SAMD14: variants seen among roughly 807,000 people sequenced by gnomAD.
The protein encoded by SAMD14 is sterile alpha motif domain-containing protein 14.
A neutral mutation model predicts 46.2 loss-of-function variants in SAMD14; 27 were observed. That is an observed-to-expected ratio of 0.58 (90% CI 0.43 to 0.81). SAMD14 has a LOEUF of 0.81. Ranked by LOEUF, SAMD14 falls within the 30% of genes least tolerant of loss-of-function variation. The pLI is 0.00. For synonymous variants in SAMD14, 241 were observed against 254.3 expected (o/e 0.95, Z 0.50); for missense variants, 559 against 582.2 (o/e 0.96, Z 0.41).
chr17:50,113,813 G>A, intron 9 of SAMD14, 111 bp downstream of exon 9: 1 of 1,301,518 alleles, frequency 7.7e-7, no homozygotes, highest in Non-Finnish European at 1.1e-6. Flanking sequence ...GAGTGAAAAG[G>A]TCAGCCCAGG....
intron 4 of SAMD14, among the ~76,000 whole-genome samples, chr17:50,116,970 C>T (rs773195639): frequency 5.3e-5 from 8 of 152,202 alleles, no homozygotes; most frequent in Non-Finnish European, 1.0e-4. Context: ...ATCCTCCCGC[C>T]TCAGCCTTCC....
At position 50,110,168 on chromosome 17, in the gene SAMD14, C is replaced by T. The variant is rs1910757859; in HGVS notation, c.*2725G>A. ...GGTCCCCCCACCGTGGTGCCCCTCA[C>T]CATCCTCCTGGGGGAGCAGGGGGTG... On this transcript the variant is annotated 3_prime_UTR_variant, in exon 10 of 10. Transcript: ENST00000330175. 3 of 1,467,508 alleles carry T rather than the reference C, an allele frequency of 2.0e-6. No individual in the cohort carries two copies. The highest frequency in any genetic ancestry group is 1.4e-5 in the African/African-American group (1 of 71,628). 90.9% of individuals were successfully genotyped at this position (1,467,508 alleles called of 1,614,324 possible).
At chr17:50,117,939 C>T (rs1911316771) in intron 3 of SAMD14, 1 of 650,602 alleles carries the variant, frequency 1.5e-6, no homozygotes, top group African/African-American at 1.9e-5. Flanking sequence ...CTGGACCTCT[C>T]AGGGCCTCAG....
chr17:50,118,331 C>A lies in SAMD14; in HGVS notation c.44-4G>T. The A allele has an allele frequency of 6.2e-7, 1 of 1,611,474 alleles. No homozygotes were observed. On this transcript the variant is annotated splice_region_variant and splice_polypyrimidine_tract_variant and intron_variant, in intron 2 of 9. Coordinates refer to ENST00000330175, the MANE Select transcript of SAMD14 (RefSeq NM_001257359.2). Reference sequence around the variant, plus strand: ...TCTGGCACAGCCAAGTCCAGGTCTGCGAACCGGGGGAGGGGAGCAGAGACC... The same window carrying A: ...TCTGGCACAGCCAAGTCCAGGTCTGAGAACCGGGGGAGGGGAGCAGAGACC...
rs1010389937 is a variant in SAMD14 at position 50,117,432 on chromosome 17, G to T, written c.474C>A (p.His158Gln). 2 of 1,343,940 alleles carry T rather than the reference G, an allele frequency of 1.5e-6. No homozygotes were observed. The highest frequency in any genetic ancestry group is 4.0e-5 in the Admixed American group (1 of 24,992). The allele number at this position is 1,343,940 out of a possible 1,614,324, so 83.3% of individuals were successfully genotyped here. ...SDSSPSFVRR[H>Q]PRAEPHSEDD... is the part of the protein sequence containing the mutation. ...CTTCGCTGTGCGGCTCTGCGCGCGG[G>T]TGGCGGCGCACGAAGCTGGGGGAGC... is the stretch of plus-strand genomic sequence containing the variant. The change falls in exon 4 of 10, where the codon CAC (histidine) becomes CAA (glutamine). Residue 158 changes from histidine to glutamine, a missense_variant. Physicochemically the swap from His to Gln is conservative, Grantham distance 24. Coordinates refer to ENST00000330175, the MANE Select transcript of SAMD14 (RefSeq NM_001257359.2).
chr17:50,115,535 G>T lies in SAMD14; in HGVS notation c.822+29C>A. The T allele has an allele frequency of 6.6e-7, 1 of 1,512,306 alleles. No homozygotes were observed. Among genetic ancestry groups the T allele is most frequent in the South Asian group, 1.3e-5 (1 of 74,910 alleles). The allele number at this position is 1,512,306 out of a possible 1,614,324, so 93.7% of individuals were successfully genotyped here. The stretch of plus-strand genomic sequence containing the variant: ...TCATGTCACCTGAGACTGGGGGCCA[G>T]TTTGGGGACAAGAAAGGCATGGACT... On this transcript the variant is annotated intron_variant, in intron 7 of 9. Transcript: ENST00000330175. This position sits in a 1 kb window ranked among gnomAD's most constrained non-coding sequence, Gnocchi z 5.3.
chr17:50,120,039 G>A (rs775762228), intron 2 of SAMD14, among the ~76,000 whole-genome samples: 1 of 152,126 alleles, frequency 6.6e-6, no homozygotes, highest in Non-Finnish European at 1.5e-5. Flanking sequence ...AAATATTTAC[G>A]GTGAAGGGAT....
At chr17:50,117,796 C>T (rs1911305328) in intron 3 of SAMD14, 101 bp from the exon 4 acceptor site, 4 of 1,248,056 alleles carry the variant, frequency 3.2e-6, no homozygotes, top group Non-Finnish European at 3.1e-6. Context: ...AGGGTCCTTC[C>T]GGGGCCTAGA....
chr17:50,117,809 G>A, intron 3 of SAMD14, 114 bp from the exon 4 acceptor site: 4 of 1,157,742 alleles, frequency 3.5e-6, no homozygotes, highest in Non-Finnish European at 4.5e-6. Flanking sequence ...GGCCTAGAGG[G>A]AGGGTTTCCT....
chr17:50,123,858 A>G (rs1911615684), intron 2 of SAMD14, among the ~76,000 whole-genome samples: 1 of 151,996 alleles, frequency 6.6e-6, no homozygotes, highest in Non-Finnish European at 1.5e-5. Context: ...AAGCCCAGGG[A>G]AGGGAGAGCT....
At chr17:50,121,747 C>T (rs920358312) in intron 2 of SAMD14, among the ~76,000 whole-genome samples, 1 of 152,188 alleles carries the variant, frequency 6.6e-6, no homozygotes, top group Non-Finnish European at 1.5e-5. Flanking sequence ...CCCAGCCCAC[C>T]CTTTCTGTGT....
intron 2 of SAMD14, among the ~76,000 whole-genome samples, chr17:50,119,832 G>A (rs913671985): frequency 3.9e-5 from 6 of 152,084 alleles, no homozygotes; most frequent in African/African-American, 1.2e-4. Flanking sequence ...GGGGTCTTCA[G>A]CCTACAGGTG....
intron 2 of SAMD14, 116 bp downstream of exon 2, chr17:50,124,801 A>G: frequency 1.0e-6 from 1 of 984,178 alleles, no homozygotes; most frequent in Non-Finnish European, 1.6e-6. Flanking sequence ...ACACACACAC[A>G]CACACACTCT....
rs1335197423 is a variant in SAMD14, at chr17:50,110,049, T to G, written c.*2844A>C. 2 of 1,611,132 alleles carry G rather than the reference T, an allele frequency of 1.2e-6. No homozygotes were observed. Among genetic ancestry groups the G allele is most frequent in the Admixed American group, 3.3e-5 (2 of 59,768 alleles). On this transcript the variant is annotated 3_prime_UTR_variant, in exon 10 of 10. Transcript: ENST00000330175. ...CCATCCAGGAGGCCGGCGACTGGTG[T>G]GTGCCCAGCACGGAGCCCAAGAACA...
chr17:50,119,277 G>A (rs927740279), intron 2 of SAMD14, among the ~76,000 whole-genome samples: 5 of 152,164 alleles, frequency 3.3e-5, no homozygotes, highest in Admixed American at 2.0e-4. Context: ...CACTTGTCAC[G>A]TGCTGCACCT....
In SAMD14 at chr17:50,110,150, CCACCGTGGTGCCCCT is replaced by C; in HGVS notation, c.*2728_*2742del. The stretch of plus-strand genomic sequence containing the variant: ...GACGGACTGCCGCCTCTGGGTCCCC[CCACCGTGGTGCCCCT>C]CACCATCCTCCTGGGGGAGCAGGGG... On this transcript the variant is annotated 3_prime_UTR_variant, in exon 10 of 10. Transcript: ENST00000330175. 10 of 1,515,516 alleles carry C rather than the reference CCACCGTGGTGCCCCT, an allele frequency of 6.6e-6. No homozygotes were observed. The highest frequency in any genetic ancestry group is 8.9e-7 in the Non-Finnish European group (1 of 1,125,240). 93.9% of individuals were successfully genotyped at this position (1,515,516 alleles called of 1,614,324 possible).
intron 1 of SAMD14, among the ~76,000 whole-genome samples, chr17:50,128,233 C>A (rs989192796): frequency 1.6e-4 from 25 of 152,250 alleles, no homozygotes; most frequent in African/African-American, 3.9e-4. Flanking sequence ...CTTCCAGGCA[C>A]CCTCTGGGCT....
In SAMD14 at chr17:50,117,679, C is replaced by A. The variant is rs1256534899; in HGVS notation, c.227G>T (p.Gly76Val). ...GPGGKVTDGC[G>V]SPLHRLRSPL... is the part of the protein sequence containing the mutation. ...CGAGCGCAGCCGGTGCAGGGGGCTC[C>A]CGCAGCCATCGGTCACCTGGACGAG... is the stretch of plus-strand genomic sequence containing the variant. The change falls in exon 4 of 10, where the codon GGG becomes GTG. Residue 76 changes from glycine (G) to valine (V), a missense_variant. Physicochemically the swap from Gly to Val is moderately radical, Grantham distance 109. Coordinates refer to ENST00000330175, the MANE Select transcript of SAMD14 (RefSeq NM_001257359.2). The A allele has an allele frequency of 1.4e-6, 2 of 1,470,052 alleles. No individual in the cohort carries two copies. Among genetic ancestry groups the A allele is most frequent in the Non-Finnish European group, 1.8e-6 (2 of 1,118,122 alleles). 91.1% of individuals were successfully genotyped at this position (1,470,052 alleles called of 1,614,324 possible).
At position 50,110,054 on chromosome 17, in the gene SAMD14, C is replaced by G. The variant is rs1910746746; in HGVS notation, c.*2839G>C. 1 of 1,611,116 alleles carries G rather than the reference C, an allele frequency of 6.2e-7. No individual in the cohort carries two copies. On this transcript the variant is annotated 3_prime_UTR_variant, in exon 10 of 10. Coordinates refer to ENST00000330175, the MANE Select transcript of SAMD14 (RefSeq NM_001257359.2). ...CAGGAGGCCGGCGACTGGTGTGTGCCCAGCACGGAGCCCAAGAACACGTCC... is the reference window on the plus strand; with the variant it reads ...CAGGAGGCCGGCGACTGGTGTGTGCGCAGCACGGAGCCCAAGAACACGTCC...
Sources: allele counts gnomAD v4.1 joint callset (sites outside exome capture counted in the v4.1 genomes callset), GRCh38; gene constraint gnomAD v4.1.1; non-coding constraint Gnocchi (gnomAD v3.1); transcripts MANE v1.5; gene names NCBI Gene and HGNC (gene_info 2026-07-23, HGNC 2026-07-21).